The following ZNF239 variants were observed in gnomAD, a reference collection of about 807,000 sequenced individuals.
ZNF239 encodes the protein zinc finger protein 239.
Under a neutral mutation model 27.5 loss-of-function variants are expected in ZNF239, and 16 were observed. The ratio of observed to expected loss-of-function variants is 0.58; its 90% CI spans 0.39 to 0.88. The LOEUF (loss-of-function observed/expected upper bound fraction) is 0.88. ZNF239 is among the 40% of genes least tolerant of loss of function. The pLI is 0.00. For synonymous variants in ZNF239, 199 were observed against 192.6 expected, an observed-to-expected ratio of 1.03 and a Z score of -0.27; for missense variants, 527 against 551.9, an observed-to-expected ratio of 0.95 and a Z score of 0.45.
intron 1 of ZNF239, 100 bp from the exon 2 acceptor site, chr10:43,573,777 C>T (rs2132321095): frequency 3.1e-6 from 1 of 327,756 alleles, no homozygotes; most frequent in Non-Finnish European, 4.4e-6. Flanking sequence ...GACGCTTCTT[C>T]AGTCACTTCC....
chr10:43,571,520 A>T (rs943614022), intron 2 of ZNF239, among the ~76,000 whole-genome samples: 4 of 151,940 alleles, frequency 2.6e-5, no homozygotes, highest in Non-Finnish European at 5.9e-5. Context: ...AGTCTCTCCC[A>T]AGTTGGCTGG....
At chr10:43,570,988 A>T in intron 2 of ZNF239, 1 of 985,258 alleles carries the variant, frequency 1.0e-6, no homozygotes, top group Non-Finnish European at 1.2e-6. Flanking sequence ...AAGGAAAGGA[A>T]ATTAGTGCTC....
intron 3 of ZNF239, among the ~76,000 whole-genome samples, chr10:43,565,759 G>C (rs1161998706): frequency 7.4e-6 from 1 of 135,576 alleles, no homozygotes; most frequent in East Asian, 2.4e-4. Context: ...AGGTGGCAGT[G>C]AGCCCAGATC....
chr10:43,573,897 A>AG (rs1414436029), intron 1 of ZNF239, among the ~76,000 whole-genome samples: 1 of 152,140 alleles, frequency 6.6e-6, no homozygotes, highest in African/African-American at 2.4e-5. Flanking sequence ...CAAAACCAAG[A>AG]GGCTAGGTAA....
Position 43,556,982 on chromosome 10 carries a change from C to T in ZNF239, c.1098G>A (p.Arg366=). 2 of 1,613,896 alleles carry T rather than the reference C, an allele frequency of 1.2e-6. No individual in the cohort carries two copies. Among genetic ancestry groups the T allele is most frequent in the Non-Finnish European group, 1.7e-6 (2 of 1,179,962 alleles). The change falls in exon 4 of 4, where the codon CGG becomes CGA. Residue 366 remains arginine (R), a synonymous_variant. Coordinates refer to ENST00000374446, the MANE Select transcript of ZNF239 (RefSeq NM_001099282.2). ...AAGGCTTCTCTCCTGTGTGGATGCA[C>T]CGGTGAATGTGAAGGTTCGAGCTCT... ...FSQSSNLHIH[R]CIHTGEKPYQ...
chr10:43,572,330 G>A (rs936816099), intron 2 of ZNF239, among the ~76,000 whole-genome samples: 1 of 152,200 alleles, frequency 6.6e-6, no homozygotes, highest in African/African-American at 2.4e-5. Context: ...TACTTTTCAG[G>A]GCACAGAGAA....
At chr10:43,567,072 G>C (rs1253907739) in intron 3 of ZNF239, among the ~76,000 whole-genome samples, 1 of 151,358 alleles carries the variant, frequency 6.6e-6, no homozygotes, top group Non-Finnish European at 1.5e-5. Flanking sequence ...CCAGACTCCA[G>C]CCTGGACGAA....
chr10:43,564,617 C>A (rs1049789573), intron 3 of ZNF239, among the ~76,000 whole-genome samples: 3 of 152,126 alleles, frequency 2.0e-5, no homozygotes, highest in Non-Finnish European at 2.9e-5. Context: ...GAAGCCTCAA[C>A]CTCTCTGGCT....
At chr10:43,573,066 A>C (rs1235091597) in intron 2 of ZNF239, among the ~76,000 whole-genome samples, 1 of 152,194 alleles carries the variant, frequency 6.6e-6, no homozygotes. Context: ...TTAGTTCTTA[A>C]AAAACACCAC....
rs150328939 is a variant in ZNF239 at position 43,573,383 on chromosome 10, G to C, written c.-216+254C>G. 1.8e-3 allele frequency among the ~76,000 whole-genome samples: 270 copies of C among 152,306 alleles called. 1 individual carries two copies. Among genetic ancestry groups the C allele is most frequent in the Non-Finnish European group, 3.2e-3 (216 of 68,028 alleles). On this transcript the variant is annotated intron_variant, in intron 2 of 3. Coordinates refer to ENST00000374446, the MANE Select transcript of ZNF239 (RefSeq NM_001099282.2). ...TCTGGCAGGAAAAGGCAGGCTTTGA[G>C]AGGCTCCCCAGGAGGGCACAGCCCA...
At chr10:43,566,597 T>C (rs1837667556) in intron 3 of ZNF239, among the ~76,000 whole-genome samples, 1 of 152,192 alleles carries the variant, frequency 6.6e-6, no homozygotes, top group Non-Finnish European at 1.5e-5. Flanking sequence ...CTTTTCAGTG[T>C]TTTTTGTAGA....
chr10:43,558,318 A>G (rs1836958250), intron 3 of ZNF239, 147 bp from the exon 4 acceptor site: 1 of 689,656 alleles, frequency 1.5e-6, no homozygotes, highest in South Asian at 2.9e-5. Context: ...GGTCAGGTAC[A>G]TTTGTATCTG....
At chr10:43,565,197 C>T (rs1309360607) in intron 3 of ZNF239, among the ~76,000 whole-genome samples, 1 of 152,260 alleles carries the variant, frequency 6.6e-6, no homozygotes, top group Non-Finnish European at 1.5e-5. Context: ...AATTCTCCTG[C>T]CTCAGCCTCC....
intron 3 of ZNF239, among the ~76,000 whole-genome samples, chr10:43,560,358 A>T (rs1837131805): frequency 6.6e-6 from 1 of 152,220 alleles, no homozygotes; most frequent in African/African-American, 2.4e-5. Context: ...AAACTTTTTA[A>T]TGGGAGTTCT....
intron 2 of ZNF239, among the ~76,000 whole-genome samples, chr10:43,568,815 C>T (rs1267814557): frequency 2.0e-5 from 3 of 152,036 alleles, no homozygotes; most frequent in Non-Finnish European, 2.9e-5. Context: ...TTGGGGAGGC[C>T]GAGGTGGGCG....
At chr10:43,562,114 A>AT (rs1374124730) in intron 3 of ZNF239, among the ~76,000 whole-genome samples, 15 of 152,308 alleles carry the variant, frequency 9.8e-5, no homozygotes, top group African/African-American at 3.6e-4. Context: ...GGGAGGTAAT[A>AT]TAAAAAAGCT....
chr10:43,568,145 T>C, intron 2 of ZNF239, 124 bp from the exon 3 acceptor site: 1 of 985,584 alleles, frequency 1.0e-6, no homozygotes, highest in Non-Finnish European at 1.2e-6. Context: ...AGCTCAGGGA[T>C]CTGAGTGAGC....
At chr10:43,562,440 G>A (rs7915227) in intron 3 of ZNF239, among the ~76,000 whole-genome samples, 81,537 of 152,188 alleles carry the variant, frequency 0.54, 22,131 homozygotes, top group South Asian at 0.61. Flanking sequence ...TCACTTTTTA[G>A]AGGCCAATGA....
intron 2 of ZNF239, chr10:43,570,958 T>C (rs1249316838): frequency 1.0e-6 from 1 of 985,052 alleles, no homozygotes; most frequent in African/African-American, 1.8e-5. Flanking sequence ...AAAGAATCAT[T>C]GTGACAAGGG....
Sources: allele counts gnomAD v4.1 joint callset (sites outside exome capture counted in the v4.1 genomes callset), GRCh38; gene constraint gnomAD v4.1.1; transcripts MANE v1.5; gene names NCBI Gene and HGNC (gene_info 2026-07-23, HGNC 2026-07-21).